BNC2: variants seen among roughly 807,000 people sequenced by gnomAD.
The protein encoded by BNC2 is basonuclin zinc finger protein 2.
A neutral mutation model predicts 76.3 loss-of-function variants in BNC2; 20 were observed. The observed-to-expected ratio is 0.26, with a 90% CI of 0.18 to 0.38. BNC2 has a LOEUF of 0.38. Among genes scored for constraint, BNC2 ranks in the 10% least tolerant of loss-of-function variants. The pLI, the probability that BNC2 is intolerant of heterozygous loss-of-function variation, is 1.00. For missense variants in BNC2, 1,382 were observed against 1,399.8 expected (o/e 0.99, Z 0.20); for synonymous variants, 582 against 514.8 (o/e 1.13, Z -1.77).
intron 1 of BNC2, among the ~76,000 whole-genome samples, chr9:16,797,354 T>C (rs774472765): frequency 6.6e-6 from 1 of 152,166 alleles, no homozygotes; most frequent in Non-Finnish European, 1.5e-5. Flanking sequence ...GTAGATTAAA[T>C]GAGCTCCTCT....
intron 5 of BNC2, among the ~76,000 whole-genome samples, chr9:16,438,277 A>G (rs1821060420): frequency 1.3e-5 from 2 of 152,166 alleles, no homozygotes; most frequent in African/African-American, 2.4e-5. Context: ...ACTTTTTATG[A>G]TCTTGTTATA....
At chr9:16,425,974 G>C (rs1215496017) in intron 6 of BNC2, among the ~76,000 whole-genome samples, 1 of 152,206 alleles carries the variant, frequency 6.6e-6, no homozygotes, top group Non-Finnish European at 1.5e-5. Context: ...GGCTTCTCAA[G>C]GGTGCTGATT....
At chr9:16,639,719 C>T (rs982042337) in intron 3 of BNC2, among the ~76,000 whole-genome samples, 1 of 152,088 alleles carries the variant, frequency 6.6e-6, no homozygotes, top group African/African-American at 2.4e-5. Flanking sequence ...GAGTTTCAGA[C>T]CAGCCTCGGC....
At chr9:16,687,205 AT>A (rs67114919) in intron 3 of BNC2, among the ~76,000 whole-genome samples, 12,920 of 151,894 alleles carry the variant, frequency 0.085, 765 homozygotes, top group Non-Finnish European at 0.13. Flanking sequence ...CAAGAATTTA[AT>A]TTTAAAAAAA....
intron 5 of BNC2, among the ~76,000 whole-genome samples, chr9:16,482,579 T>C (rs1223328930): frequency 6.6e-6 from 1 of 152,216 alleles, no homozygotes; most frequent in African/African-American, 2.4e-5. Context: ...AAGACTCTCG[T>C]TTCTACATAC....
intron 3 of BNC2, among the ~76,000 whole-genome samples, chr9:16,686,904 G>A (rs1444225753): frequency 2.0e-5 from 3 of 152,140 alleles, no homozygotes; most frequent in Non-Finnish European, 4.4e-5. Flanking sequence ...GGCTCATAAG[G>A]TGAAATGGAC....
chr9:16,523,303 C>A (rs1267013824), intron 5 of BNC2, among the ~76,000 whole-genome samples: 1 of 151,792 alleles, frequency 6.6e-6, no homozygotes, highest in African/African-American at 2.4e-5. Context: ...AACCCTGTCT[C>A]TACTAAAAAC....
At position 16,738,377 on chromosome 9, in the gene BNC2, C is replaced by G. The variant is rs781197763; in HGVS notation, c.112G>C (p.Asp38His). The change falls in exon 2 of 7, where the codon GAT becomes CAT. Residue 38 changes from aspartate (D) to histidine (H), a missense_variant. Asp to His is a moderately conservative substitution (Grantham distance 81, BLOSUM62 -1). Around this residue, in one of 3 missense-constraint regions of BNC2, gnomAD observed 557 missense variants for 540.9 expected, o/e 1.03. Transcript: ENST00000380672. ...AYFKVPCCGV[D>H]TSQIESEEAE... ...CAACATACCTCAATTTGAGATGTAT[C>G]AACCCCACAACATGGGACCTTGAAA... The G allele has an allele frequency of 6.2e-7, 1 of 1,613,952 alleles. No homozygotes were observed. Among genetic ancestry groups the G allele is most frequent in the Non-Finnish European group, 8.5e-7 (1 of 1,179,950 alleles).
chr9:16,713,683 T>A (rs1823915189), intron 3 of BNC2, among the ~76,000 whole-genome samples: 1 of 152,062 alleles, frequency 6.6e-6, no homozygotes, highest in Non-Finnish European at 1.5e-5. Flanking sequence ...AATGGAAGGC[T>A]TTCCCCCGCC....
At chr9:16,599,795 T>C (rs1587219668) in intron 3 of BNC2, among the ~76,000 whole-genome samples, 1 of 152,280 alleles carries the variant, frequency 6.6e-6, no homozygotes, top group South Asian at 2.1e-4. Context: ...AAAAAAGTAA[T>C]ATATTAAGAT....
chr9:16,787,911 G>A (rs944717348), intron 1 of BNC2, among the ~76,000 whole-genome samples: 7 of 152,054 alleles, frequency 4.6e-5, no homozygotes, highest in East Asian at 1.9e-4. Flanking sequence ...CTTCAGAACC[G>A]TTACTGAATT....
intron 5 of BNC2, among the ~76,000 whole-genome samples, chr9:16,528,534 G>A (rs1049433718): frequency 3.3e-5 from 5 of 152,182 alleles, no homozygotes; most frequent in Admixed American, 1.3e-4. Context: ...CCAGAGTCAT[G>A]ATAGAGTAGC....
intron 3 of BNC2, among the ~76,000 whole-genome samples, chr9:16,693,386 G>A (rs542816508): frequency 9.9e-5 from 15 of 152,178 alleles, no homozygotes; most frequent in African/African-American, 2.9e-4. Context: ...CAATAGTCTC[G>A]GTCAGTGCCC....
At position 16,415,686 on chromosome 9, in the gene BNC2, C is replaced by T. The variant is rs1200847550; in HGVS notation, c.*3303G>A. 6.6e-6 allele frequency: 1 copy of T among 152,188 alleles called. No individual in the cohort carries two copies. The highest frequency in any genetic ancestry group is 1.5e-5 in the Non-Finnish European group (1 of 68,030). The allele number at this position is 152,188 out of a possible 1,614,324, so 9.4% of individuals were successfully genotyped here. The stretch of plus-strand genomic sequence containing the variant: ...TCTAGTTAAGTCAAAACAAGACACT[C>T]AGGCACACACTCAAGAACGAGCAAT... On this transcript the variant is annotated 3_prime_UTR_variant, in exon 7 of 7. Transcript: ENST00000380672.
At chr9:16,805,057 G>A (rs994932363) in intron 1 of BNC2, among the ~76,000 whole-genome samples, 3 of 151,862 alleles carry the variant, frequency 2.0e-5, no homozygotes, top group East Asian at 1.9e-4. Flanking sequence ...CTGAGATTCC[G>A]TCTCAAAAGA....
chr9:16,749,470 A>C (rs1049726812), intron 1 of BNC2, among the ~76,000 whole-genome samples: 2 of 152,168 alleles, frequency 1.3e-5, no homozygotes, highest in African/African-American at 4.8e-5. Context: ...CCAGGGCGGG[A>C]AAGTCAACAG....
chr9:16,417,185 A>G lies in BNC2; in HGVS notation c.*1804T>C, dbSNP rs1187277890. ...AAAAAAGACAACAAAACAGTCTGCA[A>G]TGCACACCCTAATGGTTTTGGCTGC... On this transcript the variant is annotated 3_prime_UTR_variant, in exon 7 of 7. Transcript: ENST00000380672. The G allele has an allele frequency of 1.3e-5, 2 of 152,632 alleles. No individual in the cohort carries two copies. Among genetic ancestry groups the G allele is most frequent in the Non-Finnish European group, 2.9e-5 (2 of 68,042 alleles). 9.5% of individuals were successfully genotyped at this position (152,632 alleles called of 1,614,324 possible).
chr9:16,751,999 A>G (rs1183461171), intron 1 of BNC2, among the ~76,000 whole-genome samples: 1 of 152,144 alleles, frequency 6.6e-6, no homozygotes, highest in Non-Finnish European at 1.5e-5. Flanking sequence ...ACTGCACTCC[A>G]GCCTGGACAA....
chr9:16,558,068 G>A (rs953500193), intron 4 of BNC2, among the ~76,000 whole-genome samples: 9 of 152,036 alleles, frequency 5.9e-5, no homozygotes, highest in Non-Finnish European at 1.2e-4. Flanking sequence ...GCCTGGTCTC[G>A]AACTTCTGGG....
Sources: allele counts gnomAD v4.1 joint callset (sites outside exome capture counted in the v4.1 genomes callset), GRCh38; gene constraint gnomAD v4.1.1; regional missense constraint gnomAD v4.1.1; transcripts MANE v1.5; gene names NCBI Gene and HGNC (gene_info 2026-07-23, HGNC 2026-07-21).